TRPM7: variants seen among roughly 807,000 people sequenced by gnomAD.
TRPM7 encodes LTRPC ion channel family member 7.
A neutral mutation model predicts 229.7 loss-of-function variants in TRPM7; 134 were observed. That is an observed-to-expected ratio of 0.58 (90% CI 0.51 to 0.67). The LOEUF is 0.67. Ranked by LOEUF, TRPM7 falls within the 30% of genes least tolerant of loss-of-function variation. TRPM7 has a pLI of 0.00. For synonymous variants in TRPM7, 699 were observed against 715.2 expected (o/e 0.98, Z 0.36); for missense variants, 1,901 against 2,210.0 (o/e 0.86, Z 2.80).
chr15:50,607,313 A>G lies in TRPM7; in HGVS notation c.2596T>C (p.Phe866Leu). ...FWFNTLAYLG[F>L]LMLYTFVVLV... ...ACCACAAATGTATAAAGCATCAGAA[A>G]TCCTAAATATGCCAACTAATGAAAA... Residue 866 changes from phenylalanine to leucine, a missense_variant, in exon 20 of 39, where the codon TTT becomes CTT. Physicochemically the swap from Phe to Leu is conservative, Grantham distance 22 (BLOSUM62 0). Coordinates refer to ENST00000646667, the MANE Select transcript of TRPM7 (RefSeq NM_017672.6). 1 of 1,579,838 alleles carries G rather than the reference A, an allele frequency of 6.3e-7. No individual in the cohort carries two copies. Among genetic ancestry groups the G allele is most frequent in the Non-Finnish European group, 8.6e-7 (1 of 1,166,012 alleles).
rs759083078 is a variant in TRPM7, at chr15:50,592,209, T to A, written c.4026A>T (p.Glu1342Asp). 12 of 1,614,064 alleles carry A rather than the reference T, an allele frequency of 7.4e-6. No individual in the cohort carries two copies. Among genetic ancestry groups the A allele is most frequent in the Admixed American group, 1.7e-5 (1 of 60,004 alleles). ...QDLPAVPQRK[E>D]FNFPEAGSSS... Reference sequence around the variant, plus strand: ...AGGAACCAGCCTCTGGAAAATTAAATTCTTTTCTCTGGGGTACTGCAGGTA... The same window carrying A: ...AGGAACCAGCCTCTGGAAAATTAAAATCTTTTCTCTGGGGTACTGCAGGTA... The change falls in exon 26 of 39, where the codon GAA becomes GAT. Residue 1342 changes from glutamate (E) to aspartate (D), a missense_variant. By Grantham distance (45) the Glu-to-Asp change is conservative. Around this residue, in one of 8 missense-constraint regions of TRPM7, gnomAD observed 533 missense variants for 497.1 expected, o/e 1.07. Transcript: ENST00000646667.
chr15:50,612,479 T>C (rs1272326895), intron 16 of TRPM7, 70 bp downstream of exon 16: 2 of 1,416,718 alleles, frequency 1.4e-6, no homozygotes, highest in Non-Finnish European at 1.9e-6. Context: ...TACGTGGCAC[T>C]GTAACAGCCA....
At chr15:50,616,682 T>A (rs1041541832) in intron 13 of TRPM7, among the ~76,000 whole-genome samples, 4 of 14,716 alleles carry the variant, frequency 2.7e-4, no homozygotes, top group Non-Finnish European at 7.8e-4. Context: ...AAAAAATGTA[T>A]GCTTTTTTTT....
intron 20 of TRPM7, among the ~76,000 whole-genome samples, chr15:50,606,710 A>T (rs1323502956): frequency 6.6e-6 from 1 of 151,898 alleles, no homozygotes; most frequent in Non-Finnish European, 1.5e-5. Context: ...TGTTGGCCAG[A>T]CTGGTCTTGA....
chr15:50,612,501 CCTA>C (rs1269370743), intron 16 of TRPM7, 45 bp downstream of exon 16: 1 of 1,561,386 alleles, frequency 6.4e-7, no homozygotes, highest in Non-Finnish European at 8.7e-7. Flanking sequence ...TCAAACAATA[CCTA>C]CTTTGAATTT....
At chr15:50,609,986 G>T (rs191932851) in intron 17 of TRPM7, 25 bp from the exon 18 acceptor site, 2 of 1,489,960 alleles carry the variant, frequency 1.3e-6, no homozygotes, top group Non-Finnish European at 1.8e-6. Context: ...ACATAATTTT[G>T]CATTTAAAAA....
intron 1 of TRPM7, among the ~76,000 whole-genome samples, chr15:50,667,503 T>C (rs146097004): frequency 6.0e-4 from 91 of 152,282 alleles, no homozygotes; most frequent in African/African-American, 2.0e-3. Flanking sequence ...GCCAGGAGTT[T>C]TGAGACCAGC....
chr15:50,620,389 T>C (rs1031973050), intron 12 of TRPM7, among the ~76,000 whole-genome samples: 1 of 152,064 alleles, frequency 6.6e-6, no homozygotes, highest in Non-Finnish European at 1.5e-5. Context: ...TTTCTTCCAA[T>C]GTGGCCCAGG....
intron 2 of TRPM7, among the ~76,000 whole-genome samples, chr15:50,662,527 A>G (rs892513870): frequency 1.3e-5 from 2 of 152,200 alleles, no homozygotes; most frequent in African/African-American, 4.8e-5. Flanking sequence ...GTATCTATAT[A>G]TTGGCAAACA....
At chr15:50,645,938 A>G (rs1332877573) in intron 4 of TRPM7, among the ~76,000 whole-genome samples, 1 of 152,078 alleles carries the variant, frequency 6.6e-6, no homozygotes, top group East Asian at 1.9e-4. Flanking sequence ...AGGCAGGTGG[A>G]TCACTTGAGG....
At chr15:50,603,915 T>C (rs2059849120) in intron 21 of TRPM7, 1 of 152,234 alleles carries the variant, frequency 6.6e-6, no homozygotes, top group Non-Finnish European at 1.5e-5. Flanking sequence ...CAAACACATG[T>C]GTTCATACAC....
Position 50,616,683 on chromosome 15 carries a change from GCT to G in TRPM7, c.1495-2422_1495-2421del, listed in dbSNP as rs903035105. Among the ~76,000 whole-genome samples, 6 of 11,068 alleles carry G rather than the reference GCT, an allele frequency of 5.4e-4. No homozygotes were observed. The Admixed American group carries it at 8.5e-3, about 16-fold the overall frequency. The allele number at this position is 11,068 out of a possible 152,430, so 7.3% of individuals were successfully genotyped here. On this transcript the variant is annotated intron_variant, in intron 13 of 38. Coordinates refer to ENST00000646667, the MANE Select transcript of TRPM7 (RefSeq NM_017672.6). ...AATATAGTAAAGTCAAAAAATGTAT[GCT>G]TTTTTTTTTTTTAGACAAAGGGTCT...
chr15:50,601,096 T>C (rs189462976), intron 21 of TRPM7, among the ~76,000 whole-genome samples: 48 of 152,346 alleles, frequency 3.2e-4, no homozygotes, highest in African/African-American at 1.2e-3. Context: ...ATTCATGCTA[T>C]TTGATATATT....
intron 5 of TRPM7, among the ~76,000 whole-genome samples, 190 bp downstream of exon 5, chr15:50,643,150 A>G (rs1434718287): frequency 1.3e-5 from 2 of 152,088 alleles, no homozygotes; most frequent in African/African-American, 4.8e-5. Context: ...TTAACCGGGC[A>G]TGGTGGCGCA....
chr15:50,562,309 A>G (rs2053353260), intron 38 of TRPM7, among the ~76,000 whole-genome samples: 2 of 152,238 alleles, frequency 1.3e-5, no homozygotes, highest in African/African-American at 2.4e-5. Flanking sequence ...GAAGTCATTC[A>G]TTCATTCAAC....
chr15:50,609,353 A>G (rs1324022956), intron 19 of TRPM7, among the ~76,000 whole-genome samples: 1 of 152,136 alleles, frequency 6.6e-6, no homozygotes, highest in African/African-American at 2.4e-5. Context: ...ATGGTATTGT[A>G]TATTTGTTAA....
chr15:50,594,691 TA>T, intron 23 of TRPM7, 78 bp from the exon 24 acceptor site: 1 of 989,964 alleles, frequency 1.0e-6, no homozygotes, highest in South Asian at 1.9e-5. Context: ...GATTTCATTG[TA>T]ATTCTGTACT....
Position 50,557,457 on chromosome 15 carries a change from G to T in TRPM7, c.*4221C>A, listed in dbSNP as rs1383351474. Reference sequence around the variant, plus strand: ...GAAAACAACATAGTCTGACTTGAGAGTGGGGAAAGTGGAACAAGGGAGTAA... The same window carrying T: ...GAAAACAACATAGTCTGACTTGAGATTGGGGAAAGTGGAACAAGGGAGTAA... On this transcript the variant is annotated 3_prime_UTR_variant, in exon 39 of 39. Coordinates refer to ENST00000646667, the MANE Select transcript of TRPM7 (RefSeq NM_017672.6). 1.3e-5 allele frequency: 2 copies of T among 152,140 alleles called. No individual in the cohort carries two copies. The highest frequency in any genetic ancestry group is 2.9e-5 in the Non-Finnish European group (2 of 68,036). The allele number at this position is 152,140 out of a possible 1,614,324, so 9.4% of individuals were successfully genotyped here. A position where few individuals can be genotyped will look rare whatever the true frequency, so the allele number is the denominator to read the frequency against.
At chr15:50,619,907 T>C (rs2060341882) in intron 12 of TRPM7, 109 bp from the exon 13 acceptor site, 1 of 913,824 alleles carries the variant, frequency 1.1e-6, no homozygotes, top group Non-Finnish European at 1.6e-6. Flanking sequence ...TTTGGAGTTA[T>C]TTCCTTAAGT....
Sources: allele counts gnomAD v4.1 joint callset (sites outside exome capture counted in the v4.1 genomes callset), GRCh38; gene constraint gnomAD v4.1.1; regional missense constraint gnomAD v4.1.1; transcripts MANE v1.5; gene names NCBI Gene and HGNC (gene_info 2026-07-23, HGNC 2026-07-21).